Variants in HDAC9 observed in about 807,000 individuals in gnomAD.
HDAC9 encodes histone deacetylase 9.
HDAC9 carries 41 observed loss-of-function variants against 139.4 expected under a neutral mutation model. That is an observed-to-expected ratio of 0.29 (90% confidence interval 0.23 to 0.38). The LOEUF (loss-of-function observed/expected upper bound fraction) is 0.38, where lower values mean the gene tolerates loss of function less well. Among genes scored for constraint, HDAC9 ranks in the 10% least tolerant of loss-of-function variants. HDAC9 has a pLI of 1.00. For missense variants in HDAC9, 1,147 were observed against 1,297.0 expected (o/e 0.88, Z 1.78); for synonymous variants, 517 against 476.2 (o/e 1.09, Z -1.12).
At position 18,984,924 on chromosome 7, in the gene HDAC9, T is replaced by C. The variant is rs1341296563; in HGVS notation, c.3170+8971T>C. Among the ~76,000 whole-genome samples the C allele has an allele frequency of 2.0e-5, 3 of 152,152 alleles. No individual in the cohort carries two copies. The East Asian group carries it at 5.8e-4, about 29-fold the overall frequency. ...GAGTTTGTGTGTGTGTGTATACATA[T>C]GTTTGCTTTTGTTGGGCTTTTATTT... On this transcript the variant is annotated intron_variant, in intron 25 of 25. Transcript: ENST00000686413.
At chr7:18,248,117 T>G (rs1009415711) in intron 2 of HDAC9, among the ~76,000 whole-genome samples, 3 of 152,338 alleles carry the variant, frequency 2.0e-5, no homozygotes, top group Admixed American at 1.3e-4. Flanking sequence ...TATGTATAAC[T>G]TATTAAATGT....
chr7:18,788,280 A>C (rs959235207), intron 16 of HDAC9, among the ~76,000 whole-genome samples: 2 of 152,102 alleles, frequency 1.3e-5, no homozygotes, highest in Non-Finnish European at 2.9e-5. Context: ...AAACCATTTC[A>C]CAGGCTCTCC....
rs556193613 is a variant in HDAC9, at chr7:18,106,864, T to G, written c.-97+19651T>G. On this transcript the variant is annotated intron_variant, in intron 1 of 12. Transcript: ENST00000417496. The stretch of plus-strand genomic sequence containing the variant: ...CATATTTCACCTCTCCTGGAATCCC[T>G]TTTTATACACCAGTGCTGGAATACT... 2.3e-3 allele frequency among the ~76,000 whole-genome samples: 347 copies of G among 152,294 alleles called. 1 individual carries two copies. The highest frequency in any genetic ancestry group is 8.1e-3 in the African/African-American group (338 of 41,582).
Position 18,565,341 on chromosome 7 carries a change from A to G in HDAC9, c.23-19940A>G, listed in dbSNP as rs565485667. ...AAATATCCCATGGTTTGTTTATCAT[A>G]TAATGTAAAATCAAGAATCCAAATA... On this transcript the variant is annotated intron_variant, in intron 2 of 25. Transcript: ENST00000686413. Among the ~76,000 whole-genome samples, 3 of 152,364 alleles carry G rather than the reference A, an allele frequency of 2.0e-5. No homozygotes were observed. In the East Asian group the frequency reaches 5.8e-4, roughly 29 times the overall value.
At chr7:18,592,295 C>T (rs1831222043) in intron 5 of HDAC9, among the ~76,000 whole-genome samples, 1 of 152,082 alleles carries the variant, frequency 6.6e-6, no homozygotes, top group Non-Finnish European at 1.5e-5. Context: ...GCTCCTGACA[C>T]ACAACCTGAC....
chr7:18,737,835 A>G (rs529695806), intron 13 of HDAC9, among the ~76,000 whole-genome samples: 1 of 152,280 alleles, frequency 6.6e-6, no homozygotes, highest in South Asian at 2.1e-4. Context: ...TATCTCATTC[A>G]TCTGTCTAAT....
At chr7:18,573,074 T>C (rs979095803) in intron 2 of HDAC9, among the ~76,000 whole-genome samples, 2 of 152,228 alleles carry the variant, frequency 1.3e-5, no homozygotes, top group Non-Finnish European at 2.9e-5. Context: ...GCGGTTATTT[T>C]TGTTTCCTGT....
intron 11 of HDAC9, 118 bp downstream of exon 11, chr7:18,648,801 T>C: frequency 1.2e-6 from 1 of 841,974 alleles, no homozygotes. Flanking sequence ...AAGGATGTGA[T>C]CATCCTAAGC....
At chr7:18,236,329 C>A (rs1793813242) in intron 2 of HDAC9, among the ~76,000 whole-genome samples, 1 of 152,104 alleles carries the variant, frequency 6.6e-6, no homozygotes, top group East Asian at 1.9e-4. Flanking sequence ...TTGAGAAGAG[C>A]CCTATATCAT....
At chr7:18,848,979 C>A (rs1234095667) in intron 21 of HDAC9, among the ~76,000 whole-genome samples, 1 of 152,142 alleles carries the variant, frequency 6.6e-6, no homozygotes, top group Non-Finnish European at 1.5e-5. Flanking sequence ...AAACTCCCAG[C>A]TCCCCACATC....
chr7:18,458,066 G>A (rs1019837934), intron 1 of HDAC9, among the ~76,000 whole-genome samples: 1 of 152,136 alleles, frequency 6.6e-6, no homozygotes, highest in Non-Finnish European at 1.5e-5. Context: ...GTTGTATTGT[G>A]ACATTTGCTG....
chr7:19,001,333 T>C lies in HDAC9; in HGVS notation c.*5271T>C, dbSNP rs1158422755. ...AAAGCAAATTGGAATCGTTTTATTT[T>C]TTTGTTTGGGCCTTAGGCACAATAG... is the stretch of plus-strand genomic sequence containing the variant. On this transcript the variant is annotated 3_prime_UTR_variant, in exon 26 of 26. Coordinates refer to ENST00000686413, the MANE Select transcript of HDAC9 (RefSeq NM_178425.4). 1 of 152,094 alleles carries C rather than the reference T, an allele frequency of 6.6e-6. No individual in the cohort carries two copies. The highest frequency in any genetic ancestry group is 1.5e-5 in the Non-Finnish European group (1 of 67,980). 9.4% of individuals were successfully genotyped at this position (152,094 alleles called of 1,614,324 possible). A position where few individuals can be genotyped will look rare whatever the true frequency, so the allele number is the denominator to read the frequency against.
rs559589501 is a variant in HDAC9 at position 18,505,578 on chromosome 7, C to T, written c.22+9254C>T. On this transcript the variant is annotated intron_variant, in intron 2 of 25. Coordinates refer to ENST00000686413, the MANE Select transcript of HDAC9 (RefSeq NM_178425.4). ...GTTTATATGTATTATCATCATACTACGTTTTACTTTATCTTGAGTTAATTT... is the reference window on the plus strand; with the variant it reads ...GTTTATATGTATTATCATCATACTATGTTTTACTTTATCTTGAGTTAATTT... Among the ~76,000 whole-genome samples, 16 of 152,208 alleles carry T rather than the reference C, an allele frequency of 1.1e-4. 1 individual carries two copies. In the South Asian group the frequency reaches 3.1e-3, roughly 30 times the overall value.
intron 12 of HDAC9, among the ~76,000 whole-genome samples, chr7:18,687,680 T>G (rs1447827052): frequency 2.0e-5 from 3 of 151,848 alleles, no homozygotes; most frequent in Non-Finnish European, 4.4e-5. Flanking sequence ...CTCAAAGACC[T>G]GAAGGTTAAT....
intron 1 of HDAC9, among the ~76,000 whole-genome samples, chr7:18,347,507 C>T (rs1585289351): frequency 6.6e-6 from 1 of 152,144 alleles, no homozygotes; most frequent in Non-Finnish European, 1.5e-5. Flanking sequence ...ACAACAACTC[C>T]CATGTAAATT....
At chr7:18,588,079 T>G (rs922813629) in intron 3 of HDAC9, among the ~76,000 whole-genome samples, 4 of 152,314 alleles carry the variant, frequency 2.6e-5, no homozygotes, top group African/African-American at 7.2e-5. Flanking sequence ...ACCAAAGATT[T>G]TAATATGAAG....
chr7:18,323,287 C>T (rs1371277347), intron 1 of HDAC9, among the ~76,000 whole-genome samples: 1 of 152,154 alleles, frequency 6.6e-6, no homozygotes, highest in Non-Finnish European at 1.5e-5. Flanking sequence ...ACCTCCATTG[C>T]TACCTCCCTG....
chr7:18,853,148 T>G (rs1176845989), intron 21 of HDAC9, among the ~76,000 whole-genome samples: 3 of 152,192 alleles, frequency 2.0e-5, no homozygotes, highest in East Asian at 1.9e-4. Context: ...GTGGTTCACG[T>G]GTATGGTGTT....
At chr7:18,366,407 G>C (rs1462966803) in intron 1 of HDAC9, among the ~76,000 whole-genome samples, 8 of 152,148 alleles carry the variant, frequency 5.3e-5, no homozygotes, top group African/African-American at 1.9e-4. Flanking sequence ...CAGGACACCA[G>C]ACCTAGAATT....
Sources: allele counts gnomAD v4.1 joint callset (sites outside exome capture counted in the v4.1 genomes callset), GRCh38; gene constraint gnomAD v4.1.1; transcripts MANE v1.5; gene names NCBI Gene and HGNC (gene_info 2026-07-23, HGNC 2026-07-21).